Variants in ZNF254 observed in about 807,000 individuals in gnomAD.
ZNF254 encodes the protein zinc finger protein 254, also known as CTD-2017D11.1.
In ZNF254, 10 loss-of-function variants were observed where a neutral mutation model predicts 12.4. The observed-to-expected ratio is 0.80, with a 90% CI of 0.50 to 1.36. ZNF254 has a LOEUF of 1.36. Among genes scored for constraint, ZNF254 ranks in the 40% most tolerant of loss-of-function variants. The pLI, the probability that ZNF254 is intolerant of heterozygous loss-of-function variation, is 0.00. For synonymous variants in ZNF254, 305 were observed against 253.4 expected (o/e 1.20, Z -1.93); for missense variants, 996 against 763.9 (o/e 1.30, Z -3.58).
At chr19:24,043,182 A>G (rs1164448737) in intron 1 of ZNF254, among the ~76,000 whole-genome samples, 3 of 152,100 alleles carry the variant, frequency 2.0e-5, no homozygotes, top group Admixed American at 2.0e-4. Context: ...CTGTATTTTC[A>G]GAGAAAGAGA....
intron 3 of ZNF254, among the ~76,000 whole-genome samples, chr19:24,112,709 G>A (rs10405144): frequency 0.14 from 21,741 of 152,002 alleles, 2,522 homozygotes; most frequent in African/African-American, 0.32. Context: ...TCTCTTTGAA[G>A]CAATTATGAA....
At chr19:24,114,928 T>C (rs1973936585) in intron 3 of ZNF254, among the ~76,000 whole-genome samples, 1 of 152,284 alleles carries the variant, frequency 6.6e-6, no homozygotes, top group Non-Finnish European at 1.5e-5. Flanking sequence ...GAAAAAATGC[T>C]CACCATCACT....
chr19:24,048,666 G>A (rs1177343249), intron 2 of ZNF254, among the ~76,000 whole-genome samples: 2 of 151,862 alleles, frequency 1.3e-5, no homozygotes, highest in Non-Finnish European at 2.9e-5. Context: ...TGTTTCCACA[G>A]TACATTGAGT....
At chr19:24,107,966 G>A (rs1445732095) in intron 3 of ZNF254, among the ~76,000 whole-genome samples, 1 of 152,140 alleles carries the variant, frequency 6.6e-6, no homozygotes, top group Non-Finnish European at 1.5e-5. Flanking sequence ...TTAATTTTTG[G>A]ACAGATTGAA....
At chr19:24,125,237 T>A (rs1288349766) in intron 3 of ZNF254, among the ~76,000 whole-genome samples, 2 of 150,230 alleles carry the variant, frequency 1.3e-5, no homozygotes, top group Admixed American at 6.6e-5. Context: ...TTTTTTTTTT[T>A]ACTTTTAGGA....
rs753127377 is a variant in ZNF254 at position 24,126,388 on chromosome 19, G to A, written c.388G>A (p.Asp130Asn). ...LQLRKGCKSV[D>N]EYKVNKEGYN... ...GTTAAGAAAAGGCTGTAAAAGTGTG[G>A]ATGAGTATAAGGTGAACAAAGAAGG... Residue 130 changes from aspartate (D) to asparagine (N), a missense_variant, in exon 4 of 4, where the codon GAT becomes AAT. Physicochemically the swap from Asp to Asn is conservative, Grantham distance 23 (BLOSUM62 1). Coordinates refer to ENST00000357002, the MANE Select transcript of ZNF254 (RefSeq NM_203282.4). 1.2e-6 allele frequency: 2 copies of A among 1,610,570 alleles called. No individual in the cohort carries two copies. The highest frequency in any genetic ancestry group is 1.7e-5 in the Admixed American group (1 of 59,370).
At chr19:24,071,611 A>G (rs1971483912) in intron 2 of ZNF254, among the ~76,000 whole-genome samples, 1 of 151,944 alleles carries the variant, frequency 6.6e-6, no homozygotes, top group South Asian at 2.1e-4. Context: ...TGGACCCTTC[A>G]TTTTTCAGGA....
At position 24,087,189 on chromosome 19, in the gene ZNF254, C is replaced by T. The variant is rs1299121672; in HGVS notation, c.-119C>T. On this transcript the variant is annotated 5_prime_UTR_variant, in exon 1 of 4. Coordinates refer to ENST00000357002, the MANE Select transcript of ZNF254 (RefSeq NM_203282.4). ...AGCGGCTTCCGGGATATGGCGGGGC[C>T]TTTGTCTCTCGCTGTCGCCGGAGTC... 90 of 1,371,970 alleles carry T rather than the reference C, an allele frequency of 6.6e-5. No individual in the cohort carries two copies. Among genetic ancestry groups the T allele is most frequent in the Admixed American group, 2.3e-4 (12 of 51,864 alleles). The allele number at this position is 1,371,970 out of a possible 1,614,324, so 85.0% of individuals were successfully genotyped here.
chr19:24,062,099 AAAAG>A lies in ZNF254; in HGVS notation c.-94+15824_-94+15827del, dbSNP rs1288262269. On this transcript the variant is annotated intron_variant, in intron 2 of 4. Transcript: ENST00000613065. ...AAACTCTGTCTCACAAAAAAAAAAA[AAAAG>A]AAAAAGAAAAAGGAGTAAAATCCTG... Among the ~76,000 whole-genome samples the A allele has an allele frequency of 9.2e-3, 1,240 of 135,136 alleles. 17 individuals carry two copies. Among genetic ancestry groups the A allele is most frequent in the Non-Finnish European group, 0.013 (821 of 64,448 alleles). 88.7% of individuals were successfully genotyped at this position (135,136 alleles called of 152,430 possible).
At chr19:24,068,026 G>A (rs12462134) in intron 2 of ZNF254, among the ~76,000 whole-genome samples, 131,256 of 152,252 alleles carry the variant, frequency 0.86, 56,712 homozygotes, top group South Asian at 0.91. Context: ...TATTTTACAT[G>A]TTGTTACATA....
In ZNF254 at chr19:24,127,693, A is replaced by G. The variant is rs1974991145; in HGVS notation, c.1693A>G (p.Lys565Glu). 2 of 1,613,404 alleles carry G rather than the reference A, an allele frequency of 1.2e-6. No homozygotes were observed. Among genetic ancestry groups the G allele is most frequent in the Non-Finnish European group, 1.7e-6 (2 of 1,179,722 alleles). The change falls in exon 4 of 4, where the codon AAG (lysine) becomes GAG (glutamate). Residue 565 changes from lysine to glutamate, a missense_variant. Coordinates refer to ENST00000357002, the MANE Select transcript of ZNF254 (RefSeq NM_203282.4). ...GCAGTCTTCAATCCTTACTAACCATAAGAGAATTCATACTGGAGAGAAACC... is the reference window on the plus strand; with the variant it reads ...GCAGTCTTCAATCCTTACTAACCATGAGAGAATTCATACTGGAGAGAAACC... The part of the protein sequence containing the change: ...FKQSSILTNH[K>E]RIHTGEKPYK...
At chr19:24,120,049 A>G (rs1307152139) in intron 3 of ZNF254, among the ~76,000 whole-genome samples, 2 of 152,178 alleles carry the variant, frequency 1.3e-5, no homozygotes, top group African/African-American at 2.4e-5. Context: ...TACAAAAGAA[A>G]GAGGTTTATT....
chr19:24,113,008 A>G (rs940975540), intron 3 of ZNF254, among the ~76,000 whole-genome samples: 1 of 152,228 alleles, frequency 6.6e-6, no homozygotes, highest in African/African-American at 2.4e-5. Context: ...GAAGAGACCA[A>G]TAAAAGGAGC....
chr19:24,050,036 T>C, intron 2 of ZNF254, among the ~76,000 whole-genome samples: 1 of 152,090 alleles, frequency 6.6e-6, no homozygotes, highest in East Asian at 1.9e-4. Context: ...GGTGTGGTGA[T>C]ATATTACTGG....
intron 2 of ZNF254, among the ~76,000 whole-genome samples, chr19:24,063,523 C>T (rs1971154207): frequency 6.6e-6 from 1 of 152,076 alleles, no homozygotes; most frequent in Admixed American, 6.6e-5. Context: ...TTTGCTTGTG[C>T]CCTAAACACA....
chr19:24,107,264 G>T (rs1290434448), intron 3 of ZNF254: 14 of 641,338 alleles, frequency 2.2e-5, no homozygotes, highest in Non-Finnish European at 3.9e-5. Context: ...TTTTGATAAG[G>T]AGTTCTTTAA....
intron 2 of ZNF254, among the ~76,000 whole-genome samples, chr19:24,067,200 T>G (rs1039149417): frequency 6.6e-6 from 1 of 151,920 alleles, no homozygotes; most frequent in Non-Finnish European, 1.5e-5. Context: ...CGTCAACTAT[T>G]TTATGTGACT....
At chr19:24,095,742 A>T (rs904883616) in intron 1 of ZNF254, among the ~76,000 whole-genome samples, 3 of 151,484 alleles carry the variant, frequency 2.0e-5, no homozygotes, top group African/African-American at 7.3e-5. Context: ...GTTATTTCTA[A>T]TTGTGTTTAT....
intron 1 of ZNF254, among the ~76,000 whole-genome samples, chr19:24,038,802 A>C (rs1202954118): frequency 6.6e-6 from 1 of 152,200 alleles, no homozygotes; most frequent in East Asian, 1.9e-4. Flanking sequence ...TTCTACGAAA[A>C]TTACTACAGG....
Sources: allele counts gnomAD v4.1 joint callset (sites outside exome capture counted in the v4.1 genomes callset), GRCh38; gene constraint gnomAD v4.1.1; transcripts MANE v1.5; gene names NCBI Gene and HGNC (gene_info 2026-07-23, HGNC 2026-07-21).